CPNE4: variants seen among roughly 807,000 people sequenced by gnomAD.
CPNE4 encodes the protein copine 4, also known as copine-4.
A neutral mutation model predicts 67.9 loss-of-function variants in CPNE4; 25 were observed. That is an observed-to-expected ratio of 0.37 (90% confidence interval 0.27 to 0.51). The LOEUF is 0.51. Ranked by LOEUF, CPNE4 falls within the 20% of genes least tolerant of loss-of-function variation. The pLI is 0.93. For missense variants in CPNE4, 464 were observed against 690.8 expected, an observed-to-expected ratio of 0.67 and a Z score of 3.68; for synonymous variants, 242 against 244.9, an observed-to-expected ratio of 0.99 and a Z score of 0.11.
chr3:131,728,878 C>A (rs2082063664), intron 2 of CPNE4, among the ~76,000 whole-genome samples: 1 of 143,470 alleles, frequency 7.0e-6, no homozygotes, highest in Non-Finnish European at 1.5e-5. Context: ...CCACTGCACT[C>A]CAGCCTGGGC....
At chr3:131,863,993 T>C (rs986390267) in intron 2 of CPNE4, among the ~76,000 whole-genome samples, 1 of 152,178 alleles carries the variant, frequency 6.6e-6, no homozygotes, top group Non-Finnish European at 1.5e-5. Flanking sequence ...TTTTGTCAGG[T>C]TTGTCAAAGA....
intron 1 of CPNE4, among the ~76,000 whole-genome samples, chr3:132,013,066 T>C (rs1431885962): frequency 6.6e-6 from 1 of 151,912 alleles, no homozygotes; most frequent in Non-Finnish European, 1.5e-5. Flanking sequence ...CTACTAAAAA[T>C]ACAAAAATTA....
At chr3:131,903,968 G>C (rs1480537685) in intron 2 of CPNE4, among the ~76,000 whole-genome samples, 1 of 152,034 alleles carries the variant, frequency 6.6e-6, no homozygotes, top group African/African-American at 2.4e-5. Flanking sequence ...TTAGAGTCTA[G>C]CAGGCACAAA....
chr3:131,611,317 C>A (rs1263198769), intron 7 of CPNE4, among the ~76,000 whole-genome samples: 2 of 152,096 alleles, frequency 1.3e-5, no homozygotes, highest in African/African-American at 4.8e-5. Flanking sequence ...ATTTGCTATA[C>A]CCTTATTTAT....
intron 2 of CPNE4, among the ~76,000 whole-genome samples, chr3:131,877,645 C>T (rs2107709969): frequency 6.6e-6 from 1 of 152,000 alleles, no homozygotes. Flanking sequence ...TATAAAGCTC[C>T]ACAATACATA....
chr3:131,976,932 G>A (rs941880403), intron 1 of CPNE4, among the ~76,000 whole-genome samples: 5 of 151,940 alleles, frequency 3.3e-5, no homozygotes, highest in Admixed American at 2.0e-4. Context: ...CTCCTGAGTA[G>A]CTGGGATTAC....
chr3:131,631,680 T>A (rs187283657), intron 7 of CPNE4, among the ~76,000 whole-genome samples: 1 of 152,044 alleles, frequency 6.6e-6, no homozygotes, highest in Non-Finnish European at 1.5e-5. Context: ...AATGAGAGAA[T>A]TGCCTCTTAT....
At chr3:131,807,320 G>T (rs9863492) in intron 2 of CPNE4, among the ~76,000 whole-genome samples, 29,745 of 151,916 alleles carry the variant, frequency 0.2, 3,624 homozygotes, top group Non-Finnish European at 0.26. Flanking sequence ...TATAGTTTTG[G>T]GTTTTAAAAA....
chr3:131,799,966 A>G (rs1474032329), intron 2 of CPNE4, among the ~76,000 whole-genome samples: 2 of 149,348 alleles, frequency 1.3e-5, no homozygotes, highest in Non-Finnish European at 3.0e-5. Context: ...TATTTCATAC[A>G]TCTCTTTCTC....
intron 5 of CPNE4, among the ~76,000 whole-genome samples, chr3:131,691,057 G>A (rs1348351081): frequency 6.6e-6 from 1 of 152,092 alleles, no homozygotes; most frequent in African/African-American, 2.4e-5. Flanking sequence ...AAAAATAACA[G>A]ATGTTGGTGA....
intron 11 of CPNE4, among the ~76,000 whole-genome samples, chr3:131,561,589 C>G (rs1319299582): frequency 2.6e-5 from 4 of 151,966 alleles, no homozygotes; most frequent in African/African-American, 9.7e-5. Context: ...TCATAATGAC[C>G]TGGTAGCAAT....
At chr3:131,698,250 A>AAG (rs1208505226) in intron 4 of CPNE4, among the ~76,000 whole-genome samples, 2 of 141,002 alleles carry the variant, frequency 1.4e-5, no homozygotes, top group African/African-American at 5.4e-5. Flanking sequence ...AAAAAAAAAA[A>AAG]AAAGAAAGAA....
intron 2 of CPNE4, among the ~76,000 whole-genome samples, chr3:131,828,072 C>T (rs1300542844): frequency 6.6e-5 from 10 of 150,942 alleles, no homozygotes; most frequent in Non-Finnish European, 1.5e-4. Flanking sequence ...AGTAGCATCC[C>T]TATTGTCTAG....
chr3:132,027,992 A>G (rs1437608779), intron 1 of CPNE4, among the ~76,000 whole-genome samples: 1 of 152,212 alleles, frequency 6.6e-6, no homozygotes, highest in Non-Finnish European at 1.5e-5. Flanking sequence ...TTATATTTCT[A>G]TTACATTTCC....
intron 1 of CPNE4, among the ~76,000 whole-genome samples, chr3:131,947,603 A>T (rs936316671): frequency 1.3e-5 from 2 of 152,202 alleles, no homozygotes; most frequent in African/African-American, 4.8e-5. Context: ...TCCTTGGTAT[A>T]TATGTGCCAC....
intron 1 of CPNE4, among the ~76,000 whole-genome samples, chr3:131,907,473 G>A (rs1002092145): frequency 6.7e-6 from 1 of 149,332 alleles, no homozygotes; most frequent in African/African-American, 2.5e-5. Context: ...CAGGATGATG[G>A]CTATGCCTCA....
intron 1 of CPNE4, among the ~76,000 whole-genome samples, chr3:131,960,922 C>G (rs1451736810): frequency 6.6e-6 from 1 of 152,192 alleles, no homozygotes; most frequent in Non-Finnish European, 1.5e-5. Context: ...AACTTTTTCT[C>G]CACTGTAAAC....
chr3:131,837,579 G>T, intron 2 of CPNE4, among the ~76,000 whole-genome samples: 1 of 151,886 alleles, frequency 6.6e-6, no homozygotes, highest in Non-Finnish European at 1.5e-5. Context: ...ATTTTTTTTG[G>T]GGGGTGAGTG....
At chr3:131,901,932 C>A (rs1233426073) in intron 2 of CPNE4, among the ~76,000 whole-genome samples, 1 of 152,126 alleles carries the variant, frequency 6.6e-6, no homozygotes, top group Non-Finnish European at 1.5e-5. Flanking sequence ...GACTCCAACA[C>A]ATGACTGCTC....
Sources: gnomAD v4.1 joint callset for allele counts (sites outside exome capture counted in the v4.1 genomes callset) on GRCh38, gnomAD v4.1.1 for gene constraint, MANE v1.5 for transcripts, NCBI Gene and HGNC (gene_info 2026-07-23, HGNC 2026-07-21) for gene names.